Variants in HS3ST2 observed in about 807,000 individuals in gnomAD.
HS3ST2 encodes heparan sulfate glucosamine 3-O-sulfotransferase 2.
Under a neutral mutation model 26.3 loss-of-function variants are expected in HS3ST2, and 17 were observed. The observed-to-expected ratio is 0.65, with a 90% CI of 0.44 to 0.97. The LOEUF (loss-of-function observed/expected upper bound fraction) is 0.97. Among genes scored for constraint, HS3ST2 ranks in the 50% least tolerant of loss-of-function variants. The pLI is 0.00. For missense variants in HS3ST2, 402 were observed against 501.2 expected, an observed-to-expected ratio of 0.80 and a Z score of 1.89; for synonymous variants, 237 against 219.2, an observed-to-expected ratio of 1.08 and a Z score of -0.72.
intron 1 of HS3ST2, chr16:22,833,296 G>T: frequency 2.2e-6 from 1 of 456,076 alleles, no homozygotes; most frequent in Non-Finnish European, 4.4e-6. Flanking sequence ...CACTACCTGT[G>T]TGGTTGTCGG....
At chr16:22,903,886 A>G (rs990434096) in intron 1 of HS3ST2, among the ~76,000 whole-genome samples, 2 of 152,170 alleles carry the variant, frequency 1.3e-5, no homozygotes, top group Admixed American at 6.5e-5. Flanking sequence ...CATGTCATTG[A>G]GGGGACTGCC....
At chr16:22,832,279 G>A (rs1202748200) in intron 1 of HS3ST2, among the ~76,000 whole-genome samples, 2 of 151,754 alleles carry the variant, frequency 1.3e-5, no homozygotes, top group Non-Finnish European at 2.9e-5. Flanking sequence ...TCACAGGCAT[G>A]AGCCACTGTC....
chr16:22,897,981 G>A (rs1567499580), intron 1 of HS3ST2, among the ~76,000 whole-genome samples: 2 of 152,214 alleles, frequency 1.3e-5, no homozygotes, highest in South Asian at 4.1e-4. Flanking sequence ...GAGCCACAAA[G>A]ACGATAAGTA....
At chr16:22,871,275 G>A (rs1369306939) in intron 1 of HS3ST2, among the ~76,000 whole-genome samples, 1 of 151,490 alleles carries the variant, frequency 6.6e-6, no homozygotes, top group Admixed American at 6.6e-5. Flanking sequence ...AGAATTGCTT[G>A]AACCCGGGAG....
chr16:22,831,042 G>T lies in HS3ST2; in HGVS notation c.485+15947G>T, dbSNP rs146668147. Among the ~76,000 whole-genome samples, 358 of 152,346 alleles carry T rather than the reference G, an allele frequency of 2.3e-3. 9 individuals carry two copies. The highest frequency in any genetic ancestry group is 0.019 in the Admixed American group (290 of 15,310). On this transcript the variant is annotated intron_variant, in intron 1 of 1. Transcript: ENST00000261374. ...CCTATGCTTTGTTCTACATGAGGCA[G>T]CCTATTTCTCTGTTCCAGAGAGAGA...
chr16:22,893,205 C>T (rs1345358656), intron 1 of HS3ST2, among the ~76,000 whole-genome samples: 1 of 152,072 alleles, frequency 6.6e-6, no homozygotes, highest in Non-Finnish European at 1.5e-5. Context: ...TACTTCTCTG[C>T]CTAATTCCCT....
At chr16:22,858,797 T>G (rs1418533001) in intron 1 of HS3ST2, among the ~76,000 whole-genome samples, 1 of 152,164 alleles carries the variant, frequency 6.6e-6, no homozygotes, top group Non-Finnish European at 1.5e-5. Context: ...GTGCATGAAT[T>G]CAAGGTATGG....
chr16:22,882,491 TG>T (rs1902001549), intron 1 of HS3ST2, among the ~76,000 whole-genome samples: 1 of 152,050 alleles, frequency 6.6e-6, no homozygotes, highest in Non-Finnish European at 1.5e-5. Flanking sequence ...CCCAGCAATT[TG>T]GGAGGCTGAG....
chr16:22,900,715 A>C (rs552475520), intron 1 of HS3ST2, among the ~76,000 whole-genome samples: 1 of 152,228 alleles, frequency 6.6e-6, no homozygotes, highest in African/African-American at 2.4e-5. Flanking sequence ...AAAGGAAGAA[A>C]AACAAGTTTC....
At chr16:22,864,834 C>T (rs1901726713) in intron 1 of HS3ST2, among the ~76,000 whole-genome samples, 1 of 141,698 alleles carries the variant, frequency 7.1e-6, no homozygotes, top group Non-Finnish European at 1.5e-5. Context: ...TCACTTGAGC[C>T]CAGGAGTTTG....
chr16:22,847,492 T>A (rs1901453047), intron 1 of HS3ST2, among the ~76,000 whole-genome samples: 1 of 152,194 alleles, frequency 6.6e-6, no homozygotes, highest in Non-Finnish European at 1.5e-5. Context: ...AAAGCCCATG[T>A]GCAAATTTTT....
chr16:22,857,972 G>A (rs1901620914), intron 1 of HS3ST2, among the ~76,000 whole-genome samples: 2 of 152,086 alleles, frequency 1.3e-5, no homozygotes, highest in African/African-American at 4.8e-5. Flanking sequence ...AGCTTTTGCG[G>A]TGGTTGTTCT....
intron 1 of HS3ST2, among the ~76,000 whole-genome samples, chr16:22,857,783 C>A (rs986657545): frequency 1.3e-5 from 2 of 152,134 alleles, no homozygotes; most frequent in African/African-American, 2.4e-5. Flanking sequence ...TAGGCTGGAG[C>A]CCAATTATGG....
chr16:22,835,023 A>T (rs1901233663), intron 1 of HS3ST2, among the ~76,000 whole-genome samples: 1 of 151,946 alleles, frequency 6.6e-6, no homozygotes. Flanking sequence ...TTTATCTTTT[A>T]GTGTTTTATT....
At chr16:22,817,717 C>T (rs1314691633) in intron 1 of HS3ST2, among the ~76,000 whole-genome samples, 1 of 152,186 alleles carries the variant, frequency 6.6e-6, no homozygotes, top group African/African-American at 2.4e-5. Context: ...CCAAAGAACC[C>T]TTGCACCCAT....
chr16:22,845,341 C>G (rs1164017008), intron 1 of HS3ST2, among the ~76,000 whole-genome samples: 1 of 140,718 alleles, frequency 7.1e-6, no homozygotes, highest in Non-Finnish European at 1.5e-5. Context: ...GTGAACTCAT[C>G]TATTTATTTG....
chr16:22,900,328 T>C (rs969731435), intron 1 of HS3ST2, among the ~76,000 whole-genome samples: 7 of 152,218 alleles, frequency 4.6e-5, no homozygotes, highest in Admixed American at 4.6e-4. Context: ...ACTGTCCCCA[T>C]GTGCCATTTT....
intron 1 of HS3ST2, among the ~76,000 whole-genome samples, chr16:22,838,511 G>A (rs1418390255): frequency 1.3e-5 from 2 of 152,108 alleles, no homozygotes; most frequent in African/African-American, 2.4e-5. Flanking sequence ...TTCTTATTTA[G>A]TTCAATCCAG....
chr16:22,907,073 G>T (rs545686831), intron 1 of HS3ST2, among the ~76,000 whole-genome samples: 1 of 152,298 alleles, frequency 6.6e-6, no homozygotes, highest in Admixed American at 6.5e-5. Context: ...GTTTGGATTT[G>T]GAAATGCGAG....
Sources: gnomAD v4.1 joint callset for allele counts (sites outside exome capture counted in the v4.1 genomes callset) on GRCh38, gnomAD v4.1.1 for gene constraint, MANE v1.5 for transcripts, NCBI Gene and HGNC (gene_info 2026-07-23, HGNC 2026-07-21) for gene names.